CCDC63: variants seen among roughly 807,000 people sequenced by gnomAD.
CCDC63 encodes coiled-coil domain containing 63.
Under a neutral mutation model 63.6 loss-of-function variants are expected in CCDC63, and 54 were observed. The observed-to-expected ratio is 0.85, with a 90% CI of 0.68 to 1.07. The LOEUF is 1.07. Among genes scored for constraint, CCDC63 ranks in the 50% least tolerant of loss-of-function variants. CCDC63 has a pLI of 0.00. For missense variants in CCDC63, 637 were observed against 689.6 expected (o/e 0.92, Z 0.86); for synonymous variants, 253 against 266.1 (o/e 0.95, Z 0.48).
intron 11 of CCDC63, among the ~76,000 whole-genome samples, chr12:110,905,972 T>C (rs1448394907): frequency 1.1e-4 from 7 of 65,652 alleles, no homozygotes. Flanking sequence ...ATATATTATA[T>C]AAAATATATA....
At chr12:110,863,952 G>A (rs1206160831) in intron 4 of CCDC63, among the ~76,000 whole-genome samples, 2 of 152,238 alleles carry the variant, frequency 1.3e-5, no homozygotes, top group African/African-American at 4.8e-5. Context: ...GTCATCAGCT[G>A]GCATCAGCTT....
At chr12:110,906,318 AGAGGAGGAGGAG>A (rs141428157) in intron 11 of CCDC63, among the ~76,000 whole-genome samples, 1 of 131,846 alleles carries the variant, frequency 7.6e-6, no homozygotes, top group African/African-American at 2.9e-5. Flanking sequence ...AGAGGCAGGA[AGAGGAGGAGGAG>A]GAGGAGGAGG....
intron 4 of CCDC63, among the ~76,000 whole-genome samples, chr12:110,861,521 C>T (rs1488865029): frequency 2.0e-5 from 3 of 152,084 alleles, no homozygotes; most frequent in Non-Finnish European, 2.9e-5. Context: ...GAGTGCCTTT[C>T]CCTGTCCTCT....
chr12:110,880,688 A>G (rs1439694289), intron 6 of CCDC63, among the ~76,000 whole-genome samples: 2 of 708 alleles, frequency 2.8e-3, no homozygotes, highest in Admixed American at 0.015. Flanking sequence ...GACGATAATG[A>G]TGGTAATGAT....
intron 3 of CCDC63, 126 bp from the exon 4 acceptor site, chr12:110,858,459 CT>C: frequency 4.0e-6 from 3 of 746,548 alleles, no homozygotes; most frequent in Non-Finnish European, 6.4e-6. Flanking sequence ...GGACACGTCC[CT>C]TTTGCCTGCT....
At chr12:110,854,277 G>T (rs1337927501) in intron 3 of CCDC63, among the ~76,000 whole-genome samples, 2 of 126,090 alleles carry the variant, frequency 1.6e-5, no homozygotes, top group African/African-American at 2.9e-5. Context: ...TTTTTGGAGT[G>T]TATCATTTCT....
intron 5 of CCDC63, among the ~76,000 whole-genome samples, chr12:110,875,444 T>A (rs1358054166): frequency 6.6e-6 from 1 of 152,010 alleles, no homozygotes; most frequent in Non-Finnish European, 1.5e-5. Context: ...TCTATAGGTA[T>A]AATTTTTTTT....
intron 10 of CCDC63, 65 bp from the exon 11 acceptor site, chr12:110,904,523 C>A: frequency 1.4e-6 from 2 of 1,409,550 alleles, no homozygotes; most frequent in Non-Finnish European, 2.0e-6. Flanking sequence ...GTGGTGGCAC[C>A]ACCCACAGTG....
chr12:110,897,261 C>G (rs1375794918), intron 9 of CCDC63, among the ~76,000 whole-genome samples: 1 of 148,362 alleles, frequency 6.7e-6, no homozygotes, highest in African/African-American at 2.5e-5. Context: ...ATGGTAAGAA[C>G]TTGTCTCTAA....
At chr12:110,899,767 A>G (rs539602028) in intron 10 of CCDC63, among the ~76,000 whole-genome samples, 52 of 151,522 alleles carry the variant, frequency 3.4e-4, no homozygotes, top group Non-Finnish European at 6.2e-4. Context: ...ATAAATGTAT[A>G]GTTATTAGAG....
chr12:110,869,362 A>G (rs1264075338), intron 4 of CCDC63, among the ~76,000 whole-genome samples: 1 of 152,134 alleles, frequency 6.6e-6, no homozygotes, highest in Admixed American at 6.5e-5. Context: ...TTTACCTACC[A>G]GGGTTCCAAA....
At chr12:110,902,881 C>A (rs2071507229) in intron 10 of CCDC63, among the ~76,000 whole-genome samples, 1 of 134,870 alleles carries the variant, frequency 7.4e-6, no homozygotes, top group African/African-American at 2.7e-5. Flanking sequence ...CCACGCCCGG[C>A]TAATTTTTTT....
chr12:110,852,812 C>T, intron 1 of CCDC63, 47 bp from the exon 2 acceptor site: 1 of 1,289,678 alleles, frequency 7.8e-7, no homozygotes, highest in Non-Finnish European at 1.1e-6. Flanking sequence ...CCTGCACCCC[C>T]AGCAGGGGTG....
intron 1 of CCDC63, among the ~76,000 whole-genome samples, chr12:110,850,109 A>G (rs1385158764): frequency 6.6e-6 from 1 of 152,250 alleles, no homozygotes; most frequent in African/African-American, 2.4e-5. Flanking sequence ...GTAACAGCCC[A>G]ATGAGGATGT....
At chr12:110,864,654 G>C (rs1331024775) in intron 4 of CCDC63, among the ~76,000 whole-genome samples, 1 of 150,108 alleles carries the variant, frequency 6.7e-6, no homozygotes, top group Non-Finnish European at 1.5e-5. Context: ...GTTGCAGTGA[G>C]CCAAGATCAC....
In CCDC63 at chr12:110,884,118, T is replaced by C. The variant is rs1566131916; in HGVS notation, c.942T>C (p.Ala314=). The C allele has an allele frequency of 6.2e-7, 1 of 1,614,084 alleles. No homozygotes were observed. The highest frequency in any genetic ancestry group is 1.3e-5 in the African/African-American group (1 of 75,030). Residue 314 remains alanine (A), a synonymous_variant, in exon 8 of 12, where the codon GCT becomes GCC. Transcript: ENST00000308208. Reference sequence around the variant, plus strand: ...CCCACCTCCGGCTGCTGAAGCTGGCTGAGAGTGGGAACCTAAACCAGCTCA... The same window carrying C: ...CCCACCTCCGGCTGCTGAAGCTGGCCGAGAGTGGGAACCTAAACCAGCTCA... The part of the protein sequence containing the change: ...EVAHLRLLKL[A]ESGNLNQLIE...
intron 9 of CCDC63, among the ~76,000 whole-genome samples, chr12:110,897,132 T>A (rs1020219587): frequency 6.6e-6 from 1 of 152,158 alleles, no homozygotes; most frequent in African/African-American, 2.4e-5. Context: ...TTAGAACACA[T>A]AATAAAAATA....
chr12:110,906,006 T>TA (rs1444398352), intron 11 of CCDC63, among the ~76,000 whole-genome samples: 4 of 57,978 alleles, frequency 6.9e-5, no homozygotes, highest in East Asian at 4.7e-4. Context: ...ATATATATTA[T>TA]ATAATATAAT....
At chr12:110,899,687 C>T (rs1225020905) in intron 10 of CCDC63, among the ~76,000 whole-genome samples, 1 of 148,692 alleles carries the variant, frequency 6.7e-6, no homozygotes, top group African/African-American at 2.5e-5. Flanking sequence ...CTTTTAATGC[C>T]TTCTTTTTTT....
Sources: allele counts gnomAD v4.1 joint callset (sites outside exome capture counted in the v4.1 genomes callset), GRCh38; gene constraint gnomAD v4.1.1; transcripts MANE v1.5; gene names NCBI Gene and HGNC (gene_info 2026-07-23, HGNC 2026-07-21).